Variants in THADA observed in about 807,000 individuals in gnomAD.
THADA encodes the protein tRNA (32-2'-O)-methyltransferase regulator THADA.
A neutral mutation model predicts 219.8 loss-of-function variants in THADA; 213 were observed. The ratio of observed to expected loss-of-function variants is 0.97; its 90% CI spans 0.87 to 1.09. The LOEUF (loss-of-function observed/expected upper bound fraction) is 1.09, where lower values mean the gene tolerates loss of function less well. Ranked by LOEUF, THADA falls within the 50% of genes least tolerant of loss-of-function variation. THADA has a pLI of 0.00. For synonymous variants in THADA, 1,018 were observed against 828.9 expected, an observed-to-expected ratio of 1.23 and a Z score of -3.92; for missense variants, 2,956 against 2,311.3, an observed-to-expected ratio of 1.28 and a Z score of -5.72.
Position 43,265,930 on chromosome 2 carries a change from A to AAC in THADA, c.5296+13833_5296+13834dup, listed in dbSNP as rs56173099. On this transcript the variant is annotated intron_variant, in intron 36 of 37. Transcript: ENST00000405975. ...TAATCCGATTTTTTTTTACTTTTGA[A>AAC]ACACACACACACACACACACACACA... 3.0e-3 allele frequency among the ~76,000 whole-genome samples: 369 copies of AAC among 124,778 alleles called. 3 individuals are homozygous for AAC. The highest frequency in any genetic ancestry group is 3.8e-3 in the Non-Finnish European group (228 of 59,458). The allele number at this position is 124,778 out of a possible 152,430, so 81.9% of individuals were successfully genotyped here. A position where few individuals can be genotyped will look rare whatever the true frequency, so the allele number is the denominator to read the frequency against.
chr2:43,374,929 A>G (rs897253616), intron 29 of THADA, among the ~76,000 whole-genome samples: 1 of 152,126 alleles, frequency 6.6e-6, no homozygotes, highest in African/African-American at 2.4e-5. Context: ...GTTCAAAGGA[A>G]AAGACCAAAA....
intron 31 of THADA, among the ~76,000 whole-genome samples, chr2:43,296,046 A>G (rs1675335554): frequency 6.6e-6 from 1 of 150,958 alleles, no homozygotes; most frequent in African/African-American, 2.4e-5. Flanking sequence ...CAGCCTCCTG[A>G]GTAGCTGGGA....
intron 29 of THADA, among the ~76,000 whole-genome samples, chr2:43,356,978 G>A (rs1432475968): frequency 6.6e-6 from 1 of 152,156 alleles, no homozygotes; most frequent in Admixed American, 6.5e-5. Context: ...ATCATCAAAA[G>A]GAATGTAGTA....
chr2:43,594,098 T>C (rs1701886239), intron 1 of THADA, among the ~76,000 whole-genome samples: 1 of 152,138 alleles, frequency 6.6e-6, no homozygotes, highest in African/African-American at 2.4e-5. Flanking sequence ...AGAAGATGAC[T>C]GAATATTTTC....
chr2:43,469,374 G>A (rs1009825275), intron 26 of THADA, among the ~76,000 whole-genome samples: 7 of 152,064 alleles, frequency 4.6e-5, no homozygotes, highest in African/African-American at 1.4e-4. Context: ...AACTTACAGA[G>A]GGCCTTGAAA....
chr2:43,353,911 A>G (rs1668573502), intron 29 of THADA, among the ~76,000 whole-genome samples: 1 of 150,542 alleles, frequency 6.6e-6, no homozygotes, highest in Admixed American at 6.6e-5. Context: ...TCCGCCTCCC[A>G]GGTTCACGCC....
chr2:43,509,632 G>C (rs1231069870), intron 22 of THADA, among the ~76,000 whole-genome samples: 1 of 152,034 alleles, frequency 6.6e-6, no homozygotes. Context: ...AGATCTCTTA[G>C]GAACATTGGG....
intron 13 of THADA, 149 bp downstream of exon 13, chr2:43,571,558 G>C (rs1162731557): frequency 1.5e-6 from 1 of 672,012 alleles, no homozygotes; most frequent in African/African-American, 1.8e-5. Flanking sequence ...TGGAATGAGA[G>C]AACAGGTCAC....
intron 21 of THADA, among the ~76,000 whole-genome samples, chr2:43,535,059 T>C (rs1223198351): frequency 1.3e-5 from 2 of 152,114 alleles, no homozygotes; most frequent in African/African-American, 4.8e-5. Flanking sequence ...TGAAATGATA[T>C]CTCATTGTGG....
At chr2:43,464,834 A>G (rs1211904938) in intron 26 of THADA, among the ~76,000 whole-genome samples, 1 of 152,064 alleles carries the variant, frequency 6.6e-6, no homozygotes, top group Non-Finnish European at 1.5e-5. Flanking sequence ...TTTTCAAACT[A>G]GAATATTTGT....
At chr2:43,234,324 A>T (rs1409791063) in intron 36 of THADA, among the ~76,000 whole-genome samples, 1 of 152,232 alleles carries the variant, frequency 6.6e-6, no homozygotes, top group African/African-American at 2.4e-5. Flanking sequence ...GAGGTCACAC[A>T]GCAGCACCTA....
At chr2:43,487,247 T>C (rs762930635) in intron 25 of THADA, among the ~76,000 whole-genome samples, 1 of 152,182 alleles carries the variant, frequency 6.6e-6, no homozygotes, top group African/African-American at 2.4e-5. Context: ...GGTAAAGATA[T>C]CTGGGACCTT....
Position 43,560,322 on chromosome 2 carries a change from AT to A in THADA, c.2374del (p.Met792TrpfsTer11). On this transcript the variant is annotated frameshift_variant, in exon 16 of 38. Transcript: ENST00000405975. LOFTEE classifies it high-confidence loss of function. ...TTCAAAAGTGCTGGTAAAACATTCC[AT>A]TAGTGTTTGGAAACGACCAACATCA... Reference protein sequence around the residue: ...DIDVGRFQTLMECFTSTFEDV... With the variant: ...DIDVGRFQTLXECFTSTFEDV... The A allele has an allele frequency of 6.2e-7, 1 of 1,612,664 alleles. No homozygotes were observed. Among genetic ancestry groups the A allele is most frequent in the Non-Finnish European group, 8.5e-7 (1 of 1,179,214 alleles).
At chr2:43,589,659 C>T (rs1701349707) in intron 4 of THADA, among the ~76,000 whole-genome samples, 1 of 152,108 alleles carries the variant, frequency 6.6e-6, no homozygotes, top group Non-Finnish European at 1.5e-5. Context: ...AAGAATGATA[C>T]AATGGCCTTT....
At position 43,263,648 on chromosome 2, in the gene THADA, A is replaced by G. The variant is rs930828812; in HGVS notation, c.5296+16117T>C. Among the ~76,000 whole-genome samples, 7 of 152,164 alleles carry G rather than the reference A, an allele frequency of 4.6e-5. 1 individual carries two copies. The highest frequency in any genetic ancestry group is 1.0e-4 in the Non-Finnish European group (7 of 68,026). On this transcript the variant is annotated intron_variant, in intron 36 of 37. Coordinates refer to ENST00000405975, the MANE Select transcript of THADA (RefSeq NM_022065.5). The stretch of plus-strand genomic sequence containing the variant: ...ATTCCTTTCTCTTCTATTTGCTCCA[A>G]ATTCACCCTCCTTTCATCTCTCCTT...
At chr2:43,517,325 C>T (rs1479789656) in intron 22 of THADA, among the ~76,000 whole-genome samples, 1 of 152,132 alleles carries the variant, frequency 6.6e-6, no homozygotes, top group Non-Finnish European at 1.5e-5. Flanking sequence ...CAATTAATTT[C>T]ACATTTAAAT....
At chr2:43,497,434 G>A (rs545162695) in intron 25 of THADA, among the ~76,000 whole-genome samples, 1 of 152,270 alleles carries the variant, frequency 6.6e-6, no homozygotes, top group East Asian at 1.9e-4. Context: ...ACTAACACAG[G>A]AACAGAAAAC....
chr2:43,324,263 G>C (rs1448643373), intron 30 of THADA, among the ~76,000 whole-genome samples: 1 of 152,244 alleles, frequency 6.6e-6, no homozygotes, highest in Non-Finnish European at 1.5e-5. Flanking sequence ...CTGCCAGGCT[G>C]AAGTGTTCTG....
chr2:43,469,048 G>A (rs1200001952), intron 26 of THADA, among the ~76,000 whole-genome samples: 2 of 152,158 alleles, frequency 1.3e-5, no homozygotes, highest in Non-Finnish European at 2.9e-5. Flanking sequence ...AAGGGAGTAT[G>A]AGCCCCGGAC....
Sources: allele counts gnomAD v4.1 joint callset (sites outside exome capture counted in the v4.1 genomes callset), GRCh38; gene constraint gnomAD v4.1.1; transcripts MANE v1.5; gene names NCBI Gene and HGNC (gene_info 2026-07-23, HGNC 2026-07-21).